PLD5: variants seen among roughly 807,000 people sequenced by gnomAD.
PLD5 encodes phospholipase D family member 5, also known as inactive phospholipase D5.
Under a neutral mutation model 61.1 loss-of-function variants are expected in PLD5, and 36 were observed. The ratio of observed to expected loss-of-function variants is 0.59; its 90% CI spans 0.45 to 0.78. PLD5 has a LOEUF of 0.78. Ranked by LOEUF, PLD5 falls within the 30% of genes least tolerant of loss-of-function variation. The probability of loss-of-function intolerance (pLI) is 0.00; values close to 1 mark genes in which losing one functional copy is unlikely to be tolerated. For missense variants in PLD5, 515 were observed against 644.4 expected, an observed-to-expected ratio of 0.80 and a Z score of 2.17; for synonymous variants, 243 against 242.8, an observed-to-expected ratio of 1.00 and a Z score of -0.01.
chr1:242,250,249 C>T (rs1418420971), intron 4 of PLD5, among the ~76,000 whole-genome samples: 1 of 152,216 alleles, frequency 6.6e-6, no homozygotes, highest in Non-Finnish European at 1.5e-5. Context: ...ACACCCAAAG[C>T]TTGCACTGTT....
intron 1 of PLD5, chr1:242,376,948 T>C: frequency 6.2e-7 from 1 of 1,609,264 alleles, no homozygotes; most frequent in East Asian, 2.2e-5. Flanking sequence ...CTCATCCTTT[T>C]GGATTTGATG....
At chr1:242,124,806 G>A in intron 5 of PLD5, 141 bp from the exon 6 acceptor site, 1 of 672,594 alleles carries the variant, frequency 1.5e-6, no homozygotes, top group East Asian at 2.8e-5. Context: ...TTACATTATG[G>A]TACATAGAGG....
intron 1 of PLD5, among the ~76,000 whole-genome samples, chr1:242,427,968 A>C (rs1665522609): frequency 6.6e-6 from 1 of 152,242 alleles, no homozygotes; most frequent in Admixed American, 6.5e-5. Context: ...GGTTAAAAAA[A>C]TTGTAACCAG....
At chr1:242,205,886 G>A (rs922365542) in intron 5 of PLD5, among the ~76,000 whole-genome samples, 1 of 152,136 alleles carries the variant, frequency 6.6e-6, no homozygotes, top group Non-Finnish European at 1.5e-5. Flanking sequence ...AAAGAAAAAG[G>A]GACAAGAGGA....
intron 5 of PLD5, among the ~76,000 whole-genome samples, chr1:242,137,164 A>G (rs1663802104): frequency 1.3e-5 from 2 of 152,212 alleles, no homozygotes; most frequent in Admixed American, 1.3e-4. Flanking sequence ...CAATCTTCCT[A>G]TACCCAGCTA....
intron 1 of PLD5, among the ~76,000 whole-genome samples, chr1:242,417,352 C>CA (rs1344071166): frequency 6.6e-6 from 1 of 152,200 alleles, no homozygotes; most frequent in Non-Finnish European, 1.5e-5. Context: ...GCCAGTGTTC[C>CA]ATGTCAGTTT....
At chr1:242,360,974 G>C (rs1353860035) in intron 1 of PLD5, among the ~76,000 whole-genome samples, 1 of 152,086 alleles carries the variant, frequency 6.6e-6, no homozygotes, top group East Asian at 1.9e-4. Flanking sequence ...TCTGAATAGA[G>C]CAGCTTGAAA....
chr1:242,436,947 T>C (rs1666023739), intron 1 of PLD5, among the ~76,000 whole-genome samples: 5 of 152,190 alleles, frequency 3.3e-5, no homozygotes, highest in Admixed American at 2.6e-4. Flanking sequence ...ATTTGGATTA[T>C]GAGGCTAAAC....
At chr1:242,155,055 C>T (rs1446139290) in intron 5 of PLD5, among the ~76,000 whole-genome samples, 1 of 152,152 alleles carries the variant, frequency 6.6e-6, no homozygotes, top group African/African-American at 2.4e-5. Flanking sequence ...GATTTGGCTT[C>T]TTCCTAGTTT....
At chr1:242,495,186 T>C (rs1241036556) in intron 1 of PLD5, among the ~76,000 whole-genome samples, 1 of 152,114 alleles carries the variant, frequency 6.6e-6, no homozygotes, top group Non-Finnish European at 1.5e-5. Context: ...AATGCCTTCA[T>C]TGTCTAATTG....
At chr1:242,424,277 C>G (rs1229629907) in intron 1 of PLD5, among the ~76,000 whole-genome samples, 1 of 152,172 alleles carries the variant, frequency 6.6e-6, no homozygotes, top group Non-Finnish European at 1.5e-5. Context: ...TCTAATGGCT[C>G]TGATTAGCCA....
chr1:242,125,429 T>C (rs1413410728), intron 5 of PLD5, among the ~76,000 whole-genome samples: 1 of 152,118 alleles, frequency 6.6e-6, no homozygotes, highest in African/African-American at 2.4e-5. Context: ...AGCCCCAAGT[T>C]AGAGATTTAG....
At chr1:242,147,183 G>A (rs1664600875) in intron 5 of PLD5, among the ~76,000 whole-genome samples, 2 of 151,398 alleles carry the variant, frequency 1.3e-5, no homozygotes, top group African/African-American at 2.4e-5. Flanking sequence ...TCTTCAAACC[G>A]CAGCCCTTGG....
At chr1:242,317,170 T>C (rs1658066569) in intron 2 of PLD5, among the ~76,000 whole-genome samples, 1 of 152,048 alleles carries the variant, frequency 6.6e-6, no homozygotes, top group Non-Finnish European at 1.5e-5. Context: ...CCCACCACCA[T>C]GCTCGGCTAA....
At chr1:242,290,296 T>TCTGGAGGAAGCTGGGCTTGAAAC (rs58403437) in intron 2 of PLD5, among the ~76,000 whole-genome samples, 3 of 140,776 alleles carry the variant, frequency 2.1e-5, no homozygotes, top group Non-Finnish European at 4.6e-5. Context: ...GGGCTTGAAA[T>TCTGGAGGAAGCTGGGCTTGAAAC]TCGTCTTCAA....
At chr1:242,238,961 G>A (rs972316566) in intron 4 of PLD5, among the ~76,000 whole-genome samples, 4 of 152,144 alleles carry the variant, frequency 2.6e-5, no homozygotes, top group Non-Finnish European at 5.9e-5. Flanking sequence ...CCCAGTTCAA[G>A]TGGGATACCT....
intron 4 of PLD5, among the ~76,000 whole-genome samples, chr1:242,259,654 T>A (rs1673274311): frequency 6.6e-6 from 1 of 152,152 alleles, no homozygotes; most frequent in Non-Finnish European, 1.5e-5. Context: ...ATTTCACTCA[T>A]CATTTTATCA....
chr1:242,392,314 A>G (rs1436549257), intron 1 of PLD5, among the ~76,000 whole-genome samples: 1 of 152,096 alleles, frequency 6.6e-6, no homozygotes, highest in Non-Finnish European at 1.5e-5. Context: ...TACTACGTTC[A>G]CTACCTGGGG....
Position 242,524,464 on chromosome 1 carries a change from G to C in PLD5, c.-188C>G, listed in dbSNP as rs559917059. The C allele has an allele frequency of 1.5e-5, 6 of 399,300 alleles. No homozygotes were observed. The East Asian group carries it at 2.1e-4, about 14-fold the overall frequency. 24.7% of individuals were successfully genotyped at this position (399,300 alleles called of 1,614,324 possible). ...CTGAGCGCCAGCTGGGAGCGCGGCC[G>C]GGCGGGAGGGGGCGATCGCGGGAGG... On this transcript the variant is annotated 5_prime_UTR_variant, in exon 1 of 10. Transcript: ENST00000536534.
Sources: gnomAD v4.1 joint callset for allele counts (sites outside exome capture counted in the v4.1 genomes callset) on GRCh38, gnomAD v4.1.1 for gene constraint, MANE v1.5 for transcripts, NCBI Gene and HGNC (gene_info 2026-07-23, HGNC 2026-07-21) for gene names.